The following SMC3 variants were observed in gnomAD, a reference collection of about 807,000 sequenced individuals.
The protein encoded by SMC3 is structural maintenance of chromosomes protein 3.
SMC3 carries 20 observed loss-of-function variants against 171.8 expected under a neutral mutation model. The observed-to-expected ratio is 0.12, with a 90% CI of 0.08 to 0.17. The LOEUF is 0.17. Ranked by LOEUF, SMC3 falls within the 10% of genes least tolerant of loss-of-function variation. The pLI, the probability that SMC3 is intolerant of heterozygous loss-of-function variation, is 1.00. For missense variants in SMC3, 543 were observed against 1,420.4 expected (o/e 0.38, Z 9.93); for synonymous variants, 464 against 451.1 (o/e 1.03, Z -0.36).
chr10:110,568,199 G>T (rs1564786548), intron 1 of SMC3: 1 of 376,980 alleles, frequency 2.7e-6, no homozygotes, highest in Non-Finnish European at 4.8e-6. Context: ...GGGCTGTGTG[G>T]TCCTGCAGGG....
chr10:110,578,064 A>C (rs1860979372), intron 6 of SMC3, 150 bp downstream of exon 6: 1 of 637,372 alleles, frequency 1.6e-6, no homozygotes, highest in Non-Finnish European at 2.8e-6. Flanking sequence ...ATGAGCCACC[A>C]CGCCCAGCCA....
chr10:110,594,001 A>G (rs1861252962), intron 18 of SMC3, among the ~76,000 whole-genome samples: 1 of 152,094 alleles, frequency 6.6e-6, no homozygotes, highest in Non-Finnish European at 1.5e-5. Flanking sequence ...AAAAAAGAAA[A>G]ATTTATTTTC....
At chr10:110,587,117 G>A (rs1327304874) in intron 13 of SMC3, among the ~76,000 whole-genome samples, 1 of 152,078 alleles carries the variant, frequency 6.6e-6, no homozygotes, top group Non-Finnish European at 1.5e-5. Flanking sequence ...TCAAACTTAA[G>A]TTTTTAGACT....
rs1293210346 is a variant in SMC3, at chr10:110,602,521, C to T, written c.3153C>T (p.Gly1051=). The part of the protein sequence containing the change: ...SEVFQKLVPG[G]KATLVMKKGD... ...TATTCCAGAAGTTAGTACCTGGTGGCAAAGCTACTTTGGTGATGAAGAAAG... is the reference window on the plus strand; with the variant it reads ...TATTCCAGAAGTTAGTACCTGGTGGTAAAGCTACTTTGGTGATGAAGAAAG... The change falls in exon 26 of 29, where the codon GGC becomes GGT. Residue 1051 remains glycine (G), a synonymous_variant. Coordinates refer to ENST00000361804, the MANE Select transcript of SMC3 (RefSeq NM_005445.4). 1.2e-6 allele frequency: 2 copies of T among 1,613,436 alleles called. No homozygotes were observed. The highest frequency in any genetic ancestry group is 4.5e-5 in the East Asian group (2 of 44,876).
At chr10:110,578,299 T>C (rs1199954513) in intron 6 of SMC3, among the ~76,000 whole-genome samples, 4 of 152,126 alleles carry the variant, frequency 2.6e-5, no homozygotes, top group Non-Finnish European at 4.4e-5. Flanking sequence ...TCTCGAACTC[T>C]TGACCTTGTG....
intron 18 of SMC3, among the ~76,000 whole-genome samples, chr10:110,593,532 A>G (rs1590563933): frequency 6.6e-6 from 1 of 151,498 alleles, no homozygotes; most frequent in Non-Finnish European, 1.5e-5. Flanking sequence ...AGATCACGCC[A>G]CTGCACTCCA....
Position 110,591,069 on chromosome 10 carries a change from A to G in SMC3, c.1749A>G (p.Gly583=). 6.2e-7 allele frequency: 1 copy of G among 1,613,536 alleles called. No homozygotes were observed. The highest frequency in any genetic ancestry group is 8.5e-7 in the Non-Finnish European group (1 of 1,179,504). ...AGTTTAATAAAATGAATCTTCCTGG[A>G]GAGGTTACTTTTCTGCCTCTTAACA... ...LMEFNKMNLP[G]EVTFLPLNKL... Residue 583 remains glycine (G), a synonymous_variant, in exon 17 of 29, where the codon GGA becomes GGG. Transcript: ENST00000361804.
chr10:110,603,150 A>G, intron 27 of SMC3, 34 bp from the exon 28 acceptor site: 1 of 1,562,354 alleles, frequency 6.4e-7, no homozygotes, highest in Non-Finnish European at 8.8e-7. Flanking sequence ...TCTGCTGAAA[A>G]GAAATTTGTT....
intron 7 of SMC3, among the ~76,000 whole-genome samples, chr10:110,579,125 AG>A (rs1313982279): frequency 6.6e-6 from 1 of 152,210 alleles, no homozygotes; most frequent in Non-Finnish European, 1.5e-5. Context: ...TTTCCCTAAT[AG>A]GGATTATGTT....
intron 3 of SMC3, among the ~76,000 whole-genome samples, 195 bp downstream of exon 3, chr10:110,573,940 G>T (rs1005249705): frequency 6.6e-6 from 1 of 152,158 alleles, no homozygotes; most frequent in East Asian, 1.9e-4. Flanking sequence ...GATTAGCTGT[G>T]TGAGAGTGGG....
intron 15 of SMC3, 73 bp from the exon 16 acceptor site, chr10:110,590,339 T>C: frequency 1.6e-6 from 2 of 1,250,462 alleles, no homozygotes; most frequent in South Asian, 1.2e-5. Context: ...TGTATGGTGT[T>C]GTGGGCTCAT....
intron 2 of SMC3, among the ~76,000 whole-genome samples, chr10:110,571,074 A>C (rs1226462701): frequency 6.6e-6 from 1 of 152,260 alleles, no homozygotes; most frequent in Admixed American, 6.5e-5. Context: ...TAACAAAAGA[A>C]ATACATGTTA....
chr10:110,591,963 TAAAC>T (rs2134738482), intron 17 of SMC3, among the ~76,000 whole-genome samples: 1 of 151,706 alleles, frequency 6.6e-6, no homozygotes, highest in African/African-American at 2.4e-5. Flanking sequence ...TTACGCTGAG[TAAAC>T]AAAACCAAAC....
chr10:110,571,312 AAG>A (rs1295854507), intron 2 of SMC3, among the ~76,000 whole-genome samples: 4 of 152,344 alleles, frequency 2.6e-5, no homozygotes, highest in East Asian at 3.9e-4. Flanking sequence ...GGCAAGAATG[AAG>A]AGAAAAGCTG....
At chr10:110,597,816 A>C (rs1275516859) in intron 19 of SMC3, among the ~76,000 whole-genome samples, 1 of 152,246 alleles carries the variant, frequency 6.6e-6, no homozygotes, top group Non-Finnish European at 1.5e-5. Flanking sequence ...TTGTTGAATG[A>C]AAAGATATTT....
chr10:110,583,307 G>GA, intron 10 of SMC3, 77 bp from the exon 11 acceptor site: 1 of 1,164,882 alleles, frequency 8.6e-7, no homozygotes, highest in Non-Finnish European at 1.3e-6. Flanking sequence ...AACATTAAGT[G>GA]AAAGAGAATT....
intron 17 of SMC3, among the ~76,000 whole-genome samples, chr10:110,592,322 T>TG (rs1183528563): frequency 6.6e-6 from 1 of 151,938 alleles, no homozygotes; most frequent in Non-Finnish European, 1.5e-5. Context: ...AGCACAGTCA[T>TG]GGCAGTGGTC....
chr10:110,596,459 A>G lies in SMC3; in HGVS notation c.2025A>G (p.Arg675=). The G allele has an allele frequency of 6.2e-7, 1 of 1,614,108 alleles. No homozygotes were observed. Among genetic ancestry groups the G allele is most frequent in the Non-Finnish European group, 8.5e-7 (1 of 1,180,000 alleles). ...TGGYYDTRKS[R]LELQKDVRKA... is the part of the protein sequence containing the mutation. ...GTTATTATGACACAAGGAAGTCTCGACTTGAATTGCAAAAAGATGTTAGAA... is the reference window on the plus strand; with the variant it reads ...GTTATTATGACACAAGGAAGTCTCGGCTTGAATTGCAAAAAGATGTTAGAA... The change falls in exon 19 of 29, where the codon CGA becomes CGG. Residue 675 remains arginine, a synonymous_variant. Coordinates refer to ENST00000361804, the MANE Select transcript of SMC3 (RefSeq NM_005445.4).
chr10:110,575,785 T>C (rs2134716410), intron 4 of SMC3, among the ~76,000 whole-genome samples: 1 of 152,330 alleles, frequency 6.6e-6, no homozygotes. Context: ...GATTTGCCTA[T>C]AGGTGGGTAT....
Sources: gnomAD v4.1 joint callset for allele counts (sites outside exome capture counted in the v4.1 genomes callset) on GRCh38, gnomAD v4.1.1 for gene constraint, MANE v1.5 for transcripts, NCBI Gene and HGNC (gene_info 2026-07-23, HGNC 2026-07-21) for gene names.